TANGO6: variants seen among roughly 807,000 people sequenced by gnomAD.
TANGO6 encodes the protein transport and golgi organization 6 homolog.
Under a neutral mutation model 114.2 loss-of-function variants are expected in TANGO6, and 90 were observed. That is an observed-to-expected ratio of 0.79 (90% confidence interval 0.66 to 0.94). The LOEUF is 0.94. Among genes scored for constraint, TANGO6 ranks in the 40% least tolerant of loss-of-function variants. The pLI is 0.00. For missense variants in TANGO6, 1,274 were observed against 1,315.3 expected (o/e 0.97, Z 0.49); for synonymous variants, 477 against 509.8 (o/e 0.94, Z 0.87).
intron 17 of TANGO6, among the ~76,000 whole-genome samples, chr16:69,044,790 C>T (rs1045442142): frequency 2.0e-5 from 3 of 152,036 alleles, no homozygotes; most frequent in African/African-American, 4.8e-5. Context: ...GGCTGAGGCA[C>T]GAGATTGCTT....
chr16:68,952,577 A>G (rs1366475331), intron 14 of TANGO6, among the ~76,000 whole-genome samples: 1 of 152,196 alleles, frequency 6.6e-6, no homozygotes. Context: ...ATAACTTTAC[A>G]ATTTTTAACT....
At chr16:68,873,975 T>G (rs1962317077) in intron 4 of TANGO6, among the ~76,000 whole-genome samples, 1 of 152,214 alleles carries the variant, frequency 6.6e-6, no homozygotes, top group African/African-American at 2.4e-5. Flanking sequence ...GAATTCTAGT[T>G]GTTGCCCTGT....
At chr16:68,939,629 G>T (rs542868459) in intron 14 of TANGO6, among the ~76,000 whole-genome samples, 1 of 148,516 alleles carries the variant, frequency 6.7e-6, no homozygotes, top group Non-Finnish European at 1.5e-5. Flanking sequence ...TCTAGGAAAC[G>T]GAAAAAACAA....
intron 17 of TANGO6, among the ~76,000 whole-genome samples, chr16:69,066,863 G>A (rs1960219871): frequency 6.6e-6 from 1 of 151,952 alleles, no homozygotes; most frequent in Non-Finnish European, 1.5e-5. Context: ...GACAAGCCTC[G>A]GCAAAATATC....
intron 16 of TANGO6, among the ~76,000 whole-genome samples, chr16:69,032,038 G>A (rs1248485557): frequency 6.6e-6 from 1 of 152,008 alleles, no homozygotes; most frequent in Non-Finnish European, 1.5e-5. Flanking sequence ...CATTCCAGGT[G>A]GAGGGAGATG....
At chr16:68,863,828 A>G (rs372016542) in intron 3 of TANGO6, among the ~76,000 whole-genome samples, 3 of 152,338 alleles carry the variant, frequency 2.0e-5, no homozygotes, top group African/African-American at 4.8e-5. Context: ...TCAAACATGT[A>G]GTAGTATATA....
chr16:69,073,764 G>T (rs1474320596), intron 17 of TANGO6, among the ~76,000 whole-genome samples: 1 of 152,100 alleles, frequency 6.6e-6, no homozygotes, highest in Admixed American at 6.6e-5. Flanking sequence ...AGACCAGCCT[G>T]GCCAATATGG....
chr16:68,863,127 C>T, intron 3 of TANGO6, 66 bp downstream of exon 3: 4 of 999,250 alleles, frequency 4.0e-6, no homozygotes, highest in South Asian at 3.9e-5. Context: ...CTGTCTTCTT[C>T]TGGAAAATTA....
chr16:68,900,598 C>G, intron 8 of TANGO6, 52 bp downstream of exon 8: 6 of 1,388,130 alleles, frequency 4.3e-6, no homozygotes, highest in Non-Finnish European at 6.0e-6. Flanking sequence ...GTCTTTTTTG[C>G]ATGTTGTTTT....
intron 15 of TANGO6, chr16:69,007,264 C>CTTTTTTT (rs1567557449): frequency 3.9e-5 from 5 of 127,182 alleles, no homozygotes; most frequent in African/African-American, 8.8e-5. Context: ...TTTCTTTTTT[C>CTTTTTTT]TTTTCTTTTT....
At chr16:68,864,892 T>A (rs1962152601) in intron 3 of TANGO6, among the ~76,000 whole-genome samples, 1 of 152,160 alleles carries the variant, frequency 6.6e-6, no homozygotes, top group African/African-American at 2.4e-5. Context: ...CACACCATAA[T>A]CCCTCAGTAA....
chr16:68,954,249 C>CAAA (rs552507549), intron 14 of TANGO6, among the ~76,000 whole-genome samples: 3,791 of 60,052 alleles, frequency 0.063, 122 homozygotes, highest in African/African-American at 0.11. Context: ...GACTCCATCT[C>CAAA]AAAAAAAAAA....
intron 11 of TANGO6, among the ~76,000 whole-genome samples, chr16:68,918,740 A>G (rs1198587489): frequency 1.3e-5 from 2 of 152,210 alleles, no homozygotes; most frequent in Non-Finnish European, 2.9e-5. Flanking sequence ...GAACTAAATG[A>G]GATTGTACAT....
chr16:69,081,582 C>G lies in TANGO6; in HGVS notation c.3109-1903C>G, dbSNP rs77373921. 4.4e-3 allele frequency among the ~76,000 whole-genome samples: 672 copies of G among 152,106 alleles called. 25 individuals carry two copies. The South Asian group carries it at 0.084, about 19-fold the overall frequency. The stretch of plus-strand genomic sequence containing the variant: ...ACTCAAACTCCTGACCTCAAATGAT[C>G]CACCTACCTTGGCCTCCCAAGTGCT... On this transcript the variant is annotated intron_variant, in intron 17 of 17. Transcript: ENST00000261778.
intron 15 of TANGO6, among the ~76,000 whole-genome samples, chr16:68,978,897 A>G (rs965900080): frequency 2.7e-5 from 4 of 150,730 alleles, no homozygotes; most frequent in East Asian, 1.9e-4. Context: ...GGTAATACAT[A>G]TATACAGTAA....
intron 17 of TANGO6, among the ~76,000 whole-genome samples, chr16:69,078,485 A>C (rs979130425): frequency 6.6e-6 from 1 of 152,128 alleles, no homozygotes; most frequent in Non-Finnish European, 1.5e-5. Flanking sequence ...TCCATTCGCC[A>C]TCTCCAGTGA....
At chr16:69,072,309 G>A (rs1350719404) in intron 17 of TANGO6, among the ~76,000 whole-genome samples, 5 of 152,042 alleles carry the variant, frequency 3.3e-5, no homozygotes, top group Non-Finnish European at 4.4e-5. Context: ...ACTGCAAGCA[G>A]CTAAACTAGC....
intron 15 of TANGO6, among the ~76,000 whole-genome samples, chr16:68,981,210 CTTTTTT>C (rs553789256): frequency 9.0e-6 from 1 of 111,052 alleles, no homozygotes; most frequent in African/African-American, 3.7e-5. Context: ...TTTTCTTTTC[CTTTTTT>C]TTTTTTTTTT....
intron 17 of TANGO6, among the ~76,000 whole-genome samples, chr16:69,081,134 T>A (rs1243683241): frequency 1.3e-5 from 2 of 151,804 alleles, no homozygotes; most frequent in African/African-American, 4.8e-5. Flanking sequence ...CACAATTCCG[T>A]CCCAAAAATA....
Sources: gnomAD v4.1 joint callset for allele counts (sites outside exome capture counted in the v4.1 genomes callset) on GRCh38, gnomAD v4.1.1 for gene constraint, MANE v1.5 for transcripts, NCBI Gene and HGNC (gene_info 2026-07-23, HGNC 2026-07-21) for gene names.